The following MICU1 variants were observed in gnomAD, a reference collection of about 807,000 sequenced individuals.
The protein encoded by MICU1 is calcium uptake protein 1, mitochondrial.
A neutral mutation model predicts 56.8 loss-of-function variants in MICU1; 45 were observed. The observed-to-expected ratio is 0.79, with a 90% CI of 0.62 to 1.02. The LOEUF (loss-of-function observed/expected upper bound fraction) is 1.02, where lower values mean the gene tolerates loss of function less well. Among genes scored for constraint, MICU1 ranks in the 50% least tolerant of loss-of-function variants. The pLI is 0.00. For missense variants in MICU1, 504 were observed against 587.1 expected (o/e 0.86, Z 1.46); for synonymous variants, 186 against 195.1 (o/e 0.95, Z 0.39).
At chr10:72,616,976 G>C (rs1841997859) in intron 1 of MICU1, among the ~76,000 whole-genome samples, 2 of 152,178 alleles carry the variant, frequency 1.3e-5, no homozygotes, top group Non-Finnish European at 2.9e-5. Context: ...AGCAATCATA[G>C]ACCTCATCTC....
chr10:72,621,649 A>C (rs1842108067), intron 1 of MICU1, among the ~76,000 whole-genome samples: 1 of 152,166 alleles, frequency 6.6e-6, no homozygotes, highest in Non-Finnish European at 1.5e-5. Context: ...TGCAGTTACT[A>C]ATCAAGTTCA....
chr10:72,403,508 C>A (rs1171697430), intron 10 of MICU1, among the ~76,000 whole-genome samples: 2 of 151,920 alleles, frequency 1.3e-5, no homozygotes, highest in Non-Finnish European at 2.9e-5. Flanking sequence ...TAAGCCACCA[C>A]ATGCAGCTAA....
In MICU1 at chr10:72,549,801, C is replaced by T. The variant is rs111325734; in HGVS notation, c.493+1378G>A. Among the ~76,000 whole-genome samples, 990 of 151,964 alleles carry T rather than the reference C, an allele frequency of 6.5e-3. 8 individuals carry two copies. Among genetic ancestry groups the T allele is most frequent in the South Asian group, 0.015 (70 of 4,818 alleles). On this transcript the variant is annotated intron_variant, in intron 4 of 11. Transcript: ENST00000361114. Reference sequence around the variant, plus strand: ...ACAAAATTAGCTGGGCATGGTGGCACATGCCTGTAATGCCAGCTACTCAGG... The same window carrying T: ...ACAAAATTAGCTGGGCATGGTGGCATATGCCTGTAATGCCAGCTACTCAGG...
intron 11 of MICU1, among the ~76,000 whole-genome samples, chr10:72,370,348 A>G (rs1413834656): frequency 2.0e-5 from 3 of 152,160 alleles, no homozygotes; most frequent in African/African-American, 7.2e-5. Flanking sequence ...ACCTCTACTC[A>G]TGATTGGTCT....
intron 10 of MICU1, among the ~76,000 whole-genome samples, chr10:72,394,015 C>T (rs1863165207): frequency 6.6e-6 from 1 of 152,198 alleles, no homozygotes; most frequent in South Asian, 2.1e-4. Context: ...GATCAGCCCA[C>T]CTTGGCCTCC....
intron 1 of MICU1, among the ~76,000 whole-genome samples, chr10:72,611,345 C>G (rs1841843469): frequency 6.6e-6 from 1 of 151,310 alleles, no homozygotes; most frequent in Non-Finnish European, 1.5e-5. Flanking sequence ...GGAGCAGTTG[C>G]TCACATCTGT....
chr10:72,486,638 A>G (rs911979934), intron 6 of MICU1, among the ~76,000 whole-genome samples: 1 of 152,074 alleles, frequency 6.6e-6, no homozygotes, highest in African/African-American at 2.4e-5. Context: ...CATCTGGCTA[A>G]TTTTTGTATT....
chr10:72,423,461 A>C, intron 8 of MICU1, 90 bp from the exon 9 acceptor site: 2 of 1,422,686 alleles, frequency 1.4e-6, no homozygotes, highest in African/African-American at 1.4e-5. Flanking sequence ...TGATGGCAGA[A>C]AATAGCTGAT....
At chr10:72,533,598 G>T in intron 5 of MICU1, 148 bp downstream of exon 5, 1 of 558,092 alleles carries the variant, frequency 1.8e-6, no homozygotes. Flanking sequence ...GTAGAGGTAT[G>T]TAGAGGCACA....
chr10:72,564,245 G>A (rs2132469976), intron 2 of MICU1, among the ~76,000 whole-genome samples: 1 of 152,212 alleles, frequency 6.6e-6, no homozygotes, highest in Non-Finnish European at 1.5e-5. Context: ...AACTCTCTAA[G>A]AAAATGGTGG....
At chr10:72,529,655 G>C (rs1839418360) in intron 5 of MICU1, among the ~76,000 whole-genome samples, 1 of 151,940 alleles carries the variant, frequency 6.6e-6, no homozygotes, top group African/African-American at 2.4e-5. Flanking sequence ...GAAAAAAGGG[G>C]TAAGAGAAAA....
At chr10:72,541,222 TC>T (rs1839767172) in intron 4 of MICU1, among the ~76,000 whole-genome samples, 1 of 152,192 alleles carries the variant, frequency 6.6e-6, no homozygotes, top group African/African-American at 2.4e-5. Flanking sequence ...TAATAGTCCC[TC>T]CCTAAAACTC....
chr10:72,452,018 C>T (rs907410668), intron 8 of MICU1, among the ~76,000 whole-genome samples: 2 of 152,060 alleles, frequency 1.3e-5, no homozygotes, highest in African/African-American at 4.8e-5. Context: ...GCACCTGCCA[C>T]CATGCCTGGC....
At chr10:72,589,015 C>T (rs1229717620) in intron 1 of MICU1, among the ~76,000 whole-genome samples, 6 of 152,148 alleles carry the variant, frequency 3.9e-5, no homozygotes, top group Admixed American at 2.0e-4. Flanking sequence ...GGGCTGGGCA[C>T]GGTGACTCAC....
intron 1 of MICU1, among the ~76,000 whole-genome samples, chr10:72,575,814 G>A (rs916549861): frequency 6.6e-6 from 1 of 152,016 alleles, no homozygotes; most frequent in African/African-American, 2.4e-5. Flanking sequence ...CATTCCCTGA[G>A]ACACAGTAAT....
chr10:72,507,768 C>T (rs1258821374), intron 6 of MICU1, among the ~76,000 whole-genome samples: 6 of 152,060 alleles, frequency 3.9e-5, no homozygotes, highest in Non-Finnish European at 7.4e-5. Flanking sequence ...ACTTCAGCCT[C>T]CTAAGTAGCT....
intron 3 of MICU1, 73 bp downstream of exon 3, chr10:72,562,822 A>T: frequency 8.2e-7 from 1 of 1,226,164 alleles, no homozygotes; most frequent in African/African-American, 1.5e-5. Context: ...GAAACATATG[A>T]TTAAAAAGAT....
chr10:72,598,310 C>A (rs1841432099), intron 1 of MICU1, among the ~76,000 whole-genome samples: 1 of 151,618 alleles, frequency 6.6e-6, no homozygotes, highest in South Asian at 2.1e-4. Context: ...GGTTGGATTG[C>A]AGTGGCATGA....
chr10:72,375,741 G>A (rs955360023), intron 11 of MICU1, 42 bp downstream of exon 11: 3 of 1,577,814 alleles, frequency 1.9e-6, no homozygotes, highest in Non-Finnish European at 2.6e-6. Flanking sequence ...TCTAAGGGCA[G>A]CTAGGCTGTT....
Sources: allele counts gnomAD v4.1 joint callset (sites outside exome capture counted in the v4.1 genomes callset), GRCh38; gene constraint gnomAD v4.1.1; transcripts MANE v1.5; gene names NCBI Gene and HGNC (gene_info 2026-07-23, HGNC 2026-07-21).